The following MPPED2 variants were observed in gnomAD, a reference collection of about 807,000 sequenced individuals.
MPPED2 encodes metallophosphoesterase domain containing 2, also known as metallophosphoesterase MPPED2.
A neutral mutation model predicts 33.0 loss-of-function variants in MPPED2; 5 were observed. The observed-to-expected ratio is 0.15, with a 90% CI of 0.08 to 0.32. MPPED2 has a LOEUF of 0.32. Among genes scored for constraint, MPPED2 ranks in the 10% least tolerant of loss-of-function variants. MPPED2 has a pLI of 1.00. For synonymous variants in MPPED2, 136 were observed against 141.9 expected, an observed-to-expected ratio of 0.96 and a Z score of 0.29; for missense variants, 275 against 372.1, an observed-to-expected ratio of 0.74 and a Z score of 2.15.
chr11:30,460,824 T>C (rs1216488775), intron 4 of MPPED2, among the ~76,000 whole-genome samples: 1 of 152,144 alleles, frequency 6.6e-6, no homozygotes, highest in Non-Finnish European at 1.5e-5. Flanking sequence ...TGACAATCCC[T>C]AAAAATACTA....
chr11:30,452,484 C>T lies in MPPED2; in HGVS notation c.537-34851G>A, dbSNP rs1950103755. Among the ~76,000 whole-genome samples, 4 of 152,234 alleles carry T rather than the reference C, an allele frequency of 2.6e-5. No homozygotes were observed. In the South Asian group the frequency reaches 8.3e-4, roughly 31 times the overall value. The stretch of plus-strand genomic sequence containing the variant: ...ATGTTTCTGTGTTCCCTCTGCCTCA[C>T]TACATCAGTATTTCTCTTGAGGTTT... On this transcript the variant is annotated intron_variant, in intron 4 of 6. Transcript: ENST00000358117.
intron 2 of MPPED2, among the ~76,000 whole-genome samples, chr11:30,577,127 G>A (rs11602108): frequency 0.062 from 9,397 of 152,220 alleles, 398 homozygotes; most frequent in Non-Finnish European, 0.092. Context: ...CTTAATCTTA[G>A]CAAGTCAGAG....
At chr11:30,476,605 T>C (rs1279221247) in intron 4 of MPPED2, among the ~76,000 whole-genome samples, 1 of 152,092 alleles carries the variant, frequency 6.6e-6, no homozygotes, top group Admixed American at 6.6e-5. Flanking sequence ...CATTGATCTA[T>C]GTGTCCACCT....
intron 2 of MPPED2, among the ~76,000 whole-genome samples, chr11:30,549,717 A>C (rs1955608284): frequency 6.6e-6 from 1 of 152,196 alleles, no homozygotes; most frequent in South Asian, 2.1e-4. Context: ...ATTAGAGCTC[A>C]TCCCAGCTCT....
chr11:30,395,303 A>G (rs1947826381), intron 6 of MPPED2, among the ~76,000 whole-genome samples: 1 of 152,180 alleles, frequency 6.6e-6, no homozygotes, highest in Admixed American at 6.5e-5. Flanking sequence ...CCAGGTCAGT[A>G]CTATTTTCCC....
chr11:30,408,382 G>A (rs1187442780), downstream of MPPED2, among the ~76,000 whole-genome samples: 3 of 152,112 alleles, frequency 2.0e-5, no homozygotes, highest in Non-Finnish European at 2.9e-5. Flanking sequence ...CTCTCTCGGC[G>A]CTCACTGCAA....
intron 6 of MPPED2, among the ~76,000 whole-genome samples, chr11:30,397,052 T>A (rs1947847772): frequency 6.6e-6 from 1 of 152,162 alleles, no homozygotes; most frequent in South Asian, 2.1e-4. Flanking sequence ...GTAAGTGTAA[T>A]TCAGTTTTAG....
chr11:30,439,178 C>T (rs1949454037), intron 4 of MPPED2, among the ~76,000 whole-genome samples: 1 of 152,134 alleles, frequency 6.6e-6, no homozygotes, highest in African/African-American at 2.4e-5. Flanking sequence ...CTTCCAAATT[C>T]AGAAAAGAAC....
At chr11:30,503,749 A>T (rs1952676673) in intron 3 of MPPED2, among the ~76,000 whole-genome samples, 1 of 152,192 alleles carries the variant, frequency 6.6e-6, no homozygotes, top group Non-Finnish European at 1.5e-5. Context: ...CATATTATAG[A>T]TTTTTAAAAT....
intron 2 of MPPED2, among the ~76,000 whole-genome samples, chr11:30,579,862 A>G (rs1349129441): frequency 8.5e-5 from 13 of 152,088 alleles, no homozygotes; most frequent in African/African-American, 2.9e-4. Flanking sequence ...TTTTAAAGAA[A>G]TATTTCAGAA....
intron 6 of MPPED2, among the ~76,000 whole-genome samples, chr11:30,400,228 C>G (rs561115420): frequency 6.6e-6 from 1 of 152,218 alleles, no homozygotes; most frequent in South Asian, 2.1e-4. Context: ...CCTGTCACCA[C>G]ATCCAGCTAA....
chr11:30,553,580 A>G (rs1391363861), intron 2 of MPPED2, among the ~76,000 whole-genome samples: 3 of 152,250 alleles, frequency 2.0e-5, no homozygotes, highest in Non-Finnish European at 4.4e-5. Flanking sequence ...TTCTAGGCAC[A>G]GTAGCTGGAA....
chr11:30,574,239 T>C (rs1249831064), intron 2 of MPPED2, among the ~76,000 whole-genome samples: 1 of 152,170 alleles, frequency 6.6e-6, no homozygotes, highest in East Asian at 1.9e-4. Context: ...TTTAATTTTT[T>C]ATACTCTACC....
chr11:30,485,395 G>A (rs144521886), intron 4 of MPPED2, among the ~76,000 whole-genome samples: 37 of 46,910 alleles, frequency 7.9e-4, no homozygotes, highest in Non-Finnish European at 3.2e-4. Flanking sequence ...AACTGGTTCA[G>A]AGAGATTGCA....
chr11:30,525,485 C>G (rs187163673), intron 3 of MPPED2, among the ~76,000 whole-genome samples: 36 of 152,194 alleles, frequency 2.4e-4, no homozygotes, highest in African/African-American at 8.7e-4. Flanking sequence ...AAAGTGCTTT[C>G]CTGGCTTTTC....
intron 2 of MPPED2, among the ~76,000 whole-genome samples, chr11:30,555,463 A>G (rs1456510504): frequency 6.6e-6 from 1 of 152,032 alleles, no homozygotes; most frequent in Non-Finnish European, 1.5e-5. Flanking sequence ...CTGTCTCCCC[A>G]CCCAAATCTC....
chr11:30,586,360 G>C (rs1196203338), upstream of MPPED2: 4 of 152,722 alleles, frequency 2.6e-5, no homozygotes, highest in Non-Finnish European at 5.8e-5. The surrounding 1 kb of genome is among the most constrained non-coding windows in gnomAD (Gnocchi z 4.8). Flanking sequence ...CAGTGACAGG[G>C]ACTGCCACTG....
At chr11:30,490,863 A>G (rs962797103) in intron 4 of MPPED2, among the ~76,000 whole-genome samples, 1 of 150,838 alleles carries the variant, frequency 6.6e-6, no homozygotes, top group Non-Finnish European at 1.5e-5. Flanking sequence ...GCCACAATCC[A>G]TATCTTCTAA....
chr11:30,558,770 T>A (rs2134696428), intron 2 of MPPED2, among the ~76,000 whole-genome samples: 1 of 151,824 alleles, frequency 6.6e-6, no homozygotes, highest in Admixed American at 6.6e-5. Flanking sequence ...CTTTCCTTCT[T>A]TCTTTCTTTT....
Sources: gnomAD v4.1 joint callset for allele counts (sites outside exome capture counted in the v4.1 genomes callset) on GRCh38, gnomAD v4.1.1 for gene constraint, Gnocchi (gnomAD v3.1) non-coding constraint, MANE v1.5 for transcripts, NCBI Gene and HGNC (gene_info 2026-07-23, HGNC 2026-07-21) for gene names.